The following KIF6 variants were observed in gnomAD, a reference collection of about 807,000 sequenced individuals.
KIF6 encodes the protein kinesin family member 6, also known as kinesin-like protein KIF6.
A neutral mutation model predicts 112.7 loss-of-function variants in KIF6; 106 were observed. That is an observed-to-expected ratio of 0.94 (90% CI 0.80 to 1.11). The LOEUF (loss-of-function observed/expected upper bound fraction) is 1.11, where lower values mean the gene tolerates loss of function less well. Ranked by LOEUF, KIF6 falls within the 50% of genes least tolerant of loss-of-function variation. KIF6 has a pLI of 0.00. For missense variants in KIF6, 929 were observed against 964.0 expected (o/e 0.96, Z 0.48); for synonymous variants, 339 against 339.9 (o/e 1.00, Z 0.03).
At chr6:39,492,499 A>G (rs919430492) in intron 13 of KIF6, among the ~76,000 whole-genome samples, 3 of 152,188 alleles carry the variant, frequency 2.0e-5, no homozygotes, top group Non-Finnish European at 2.9e-5. Context: ...GGGATGCCCC[A>G]AAGACTGCAA....
intron 14 of KIF6, among the ~76,000 whole-genome samples, chr6:39,420,758 G>C (rs1003969326): frequency 1.3e-5 from 2 of 152,110 alleles, no homozygotes; most frequent in Non-Finnish European, 2.9e-5. Context: ...AGTTTTTATA[G>C]GGTTGGGATC....
chr6:39,658,152 T>C (rs1208846559), intron 3 of KIF6, among the ~76,000 whole-genome samples: 1 of 152,184 alleles, frequency 6.6e-6, no homozygotes, highest in Non-Finnish European at 1.5e-5. Context: ...CACAAAAAGG[T>C]TAAGCATTGA....
chr6:39,596,011 T>A (rs376668594), intron 7 of KIF6, 43 bp downstream of exon 7: 3 of 1,464,378 alleles, frequency 2.0e-6, no homozygotes, highest in Non-Finnish European at 2.9e-6. Flanking sequence ...GGTCAACACA[T>A]GGTAGCTATA....
chr6:39,645,891 G>A (rs925239405), intron 3 of KIF6, among the ~76,000 whole-genome samples: 4 of 151,626 alleles, frequency 2.6e-5, no homozygotes, highest in Non-Finnish European at 5.9e-5. Flanking sequence ...AACACCACAT[G>A]TCCTCACTCA....
intron 13 of KIF6, among the ~76,000 whole-genome samples, chr6:39,446,833 T>C (rs955725677): frequency 1.3e-5 from 2 of 152,212 alleles, no homozygotes; most frequent in African/African-American, 2.4e-5. Flanking sequence ...ACTGTACTTA[T>C]GTCTTTAATG....
chr6:39,640,322 G>A (rs1340735054), intron 3 of KIF6, among the ~76,000 whole-genome samples: 1 of 152,020 alleles, frequency 6.6e-6, no homozygotes, highest in African/African-American at 2.4e-5. Context: ...CTGCAGAGCG[G>A]CCCTTGATTT....
At chr6:39,461,609 T>A (rs956156574) in intron 13 of KIF6, among the ~76,000 whole-genome samples, 1 of 152,292 alleles carries the variant, frequency 6.6e-6, no homozygotes, top group African/African-American at 2.4e-5. Context: ...TTCATAAAAT[T>A]ATTGATATAT....
intron 13 of KIF6, among the ~76,000 whole-genome samples, chr6:39,455,233 C>G (rs1402911457): frequency 6.6e-6 from 1 of 151,806 alleles, no homozygotes; most frequent in Non-Finnish European, 1.5e-5. Flanking sequence ...AGCAGCCTAA[C>G]TGGGAGGCAC....
At chr6:39,634,325 C>T (rs185831385) in intron 5 of KIF6, among the ~76,000 whole-genome samples, 12 of 152,174 alleles carry the variant, frequency 7.9e-5, no homozygotes, top group Non-Finnish European at 1.2e-4. Context: ...ATTTTGAAGA[C>T]GCTATTTAAA....
At chr6:39,668,930 T>A (rs1174555057) in intron 3 of KIF6, among the ~76,000 whole-genome samples, 1 of 152,170 alleles carries the variant, frequency 6.6e-6, no homozygotes, top group Non-Finnish European at 1.5e-5. Context: ...GAAACATTTA[T>A]TCGGATGACT....
At chr6:39,376,538 T>C (rs1766454359) in intron 16 of KIF6, among the ~76,000 whole-genome samples, 1 of 152,204 alleles carries the variant, frequency 6.6e-6, no homozygotes, top group Non-Finnish European at 1.5e-5. Flanking sequence ...GGCACATCTT[T>C]AAGGCAAAAA....
In KIF6 at chr6:39,378,456, ACAC is replaced by A. The variant is rs986883036; in HGVS notation, c.1861+7163_1861+7165del. Reference sequence around the variant, plus strand: ...ACATATATCCATACCACATACACACACACCACATGCCGCATATACACAGCACAC... The same window carrying A: ...ACATATATCCATACCACATACACACACACATGCCGCATATACACAGCACAC... On this transcript the variant is annotated intron_variant, in intron 16 of 22. Transcript: ENST00000287152. This position sits in a 1 kb window ranked among gnomAD's most constrained non-coding sequence, Gnocchi z 5.0. Among the ~76,000 whole-genome samples the A allele has an allele frequency of 2.0e-5, 3 of 152,198 alleles. No individual in the cohort carries two copies. Among genetic ancestry groups the A allele is most frequent in the South Asian group, 2.1e-4 (1 of 4,812 alleles).
chr6:39,379,712 C>A (rs12194060), intron 16 of KIF6, among the ~76,000 whole-genome samples: 8,868 of 152,246 alleles, frequency 0.058, 355 homozygotes, highest in South Asian at 0.11. Flanking sequence ...TTTTTATGCA[C>A]ATGTCAACTC....
chr6:39,674,101 G>A (rs570483084), intron 3 of KIF6, among the ~76,000 whole-genome samples: 1 of 152,198 alleles, frequency 6.6e-6, no homozygotes, highest in East Asian at 1.9e-4. Context: ...AATAAAAAGA[G>A]AAGAAAAGAA....
intron 5 of KIF6, chr6:39,617,728 T>G (rs1264008335): frequency 2.2e-6 from 1 of 455,438 alleles, no homozygotes; most frequent in Non-Finnish European, 4.4e-6. Flanking sequence ...TAAAGGTGAC[T>G]TGAGGTCATA....
intron 5 of KIF6, among the ~76,000 whole-genome samples, chr6:39,634,568 A>T (rs1262071296): frequency 6.6e-6 from 1 of 152,110 alleles, no homozygotes; most frequent in Non-Finnish European, 1.5e-5. Flanking sequence ...ATATCCCATC[A>T]ATCCTCTAAG....
rs1562100941 is a variant in KIF6, at chr6:39,336,344, C to T, written c.*188G>A. The T allele has an allele frequency of 6.5e-6, 4 of 612,820 alleles. No homozygotes were observed. Among genetic ancestry groups the T allele is most frequent in the Non-Finnish European group, 1.2e-5 (4 of 346,118 alleles). The allele number at this position is 612,820 out of a possible 1,614,324, so 38.0% of individuals were successfully genotyped here. On this transcript the variant is annotated 3_prime_UTR_variant, in exon 23 of 23. Coordinates refer to ENST00000287152, the MANE Select transcript of KIF6 (RefSeq NM_145027.6). The stretch of plus-strand genomic sequence containing the variant: ...GAAGGATGTTGTGGTCAGCCCCAGC[C>T]CCAGCCTCTCGGTGGCCTCCAGGTC...
chr6:39,615,180 A>C (rs566826925), intron 5 of KIF6, among the ~76,000 whole-genome samples: 1 of 152,196 alleles, frequency 6.6e-6, no homozygotes, highest in South Asian at 2.1e-4. Context: ...CTAAAAAAAA[A>C]AAAATAACTA....
intron 13 of KIF6, among the ~76,000 whole-genome samples, chr6:39,487,040 C>A (rs757475162): frequency 7.4e-4 from 113 of 152,162 alleles, no homozygotes; most frequent in Non-Finnish European, 1.3e-3. Context: ...ACAGTAACAA[C>A]AAATAATACC....
Sources: allele counts gnomAD v4.1 joint callset (sites outside exome capture counted in the v4.1 genomes callset), GRCh38; gene constraint gnomAD v4.1.1; non-coding constraint Gnocchi (gnomAD v3.1); transcripts MANE v1.5; gene names NCBI Gene and HGNC (gene_info 2026-07-23, HGNC 2026-07-21).